Variants in ABHD16A observed in about 807,000 individuals in gnomAD.
The protein encoded by ABHD16A is phosphatidylserine lipase ABHD16A.
ABHD16A carries 47 observed loss-of-function variants against 89.8 expected under a neutral mutation model. That is an observed-to-expected ratio of 0.52 (90% CI 0.41 to 0.67). ABHD16A has a LOEUF of 0.67. ABHD16A is among the 30% of genes least tolerant of loss of function. ABHD16A has a pLI of 0.00. For synonymous variants in ABHD16A, 251 were observed against 280.4 expected (o/e 0.90, Z 1.05); for missense variants, 580 against 734.6 (o/e 0.79, Z 2.43).
intron 1 of ABHD16A, among the ~76,000 whole-genome samples, chr6:31,702,410 A>G (rs1805104028): frequency 6.6e-6 from 1 of 152,190 alleles, no homozygotes; most frequent in Admixed American, 6.5e-5. Context: ...TTTCAAATGG[A>G]TTGCAGGCGC....
Position 31,696,997 on chromosome 6 carries a change from A to C in ABHD16A, c.380T>G (p.Phe127Cys), listed in dbSNP as rs1487840288. 2 of 1,612,976 alleles carry C rather than the reference A, an allele frequency of 1.2e-6. No individual in the cohort carries two copies. Among genetic ancestry groups the C allele is most frequent in the Non-Finnish European group, 1.7e-6 (2 of 1,180,026 alleles). Residue 127 changes from phenylalanine to cysteine, a missense_variant, in exon 5 of 20, where the codon TTC becomes TGC. Around this residue, in one of 2 missense-constraint regions of ABHD16A, gnomAD observed 165 missense variants for 165.8 expected, o/e 1.00. Transcript: ENST00000395952. The stretch of plus-strand genomic sequence containing the variant: ...ATGTGTTGCTTCCAAGATGGTGATG[A>C]ACTGCCGGTACTGGGGGTTGGTCCA... Reference protein sequence around the residue: ...GRWTNPQYRQFITILEATHRN... With the variant: ...GRWTNPQYRQCITILEATHRN...
At chr6:31,695,975 C>A (rs1177359469) in intron 5 of ABHD16A, among the ~76,000 whole-genome samples, 1 of 151,474 alleles carries the variant, frequency 6.6e-6, no homozygotes, top group Non-Finnish European at 1.5e-5. Flanking sequence ...ACCATCCTGG[C>A]TAACATGGTG....
intron 2 of ABHD16A, 85 bp from the exon 3 acceptor site, chr6:31,701,425 A>G: frequency 8.7e-7 from 1 of 1,149,230 alleles, no homozygotes; most frequent in Non-Finnish European, 1.3e-6. Context: ...CACTCTGAGC[A>G]AGATGGACAA....
At chr6:31,702,596 A>G in intron 1 of ABHD16A, 1 of 1,450,910 alleles carries the variant, frequency 6.9e-7, no homozygotes, top group Non-Finnish European at 9.1e-7. Context: ...GGAAGAGAAT[A>G]TTTAGAACAG....
Position 31,687,658 on chromosome 6 carries a change from G to A in ABHD16A, c.1530C>T (p.Asp510=). 6.2e-7 allele frequency: 1 copy of A among 1,612,906 alleles called. No homozygotes were observed. Among genetic ancestry groups the A allele is most frequent in the Non-Finnish European group, 8.5e-7 (1 of 1,179,938 alleles). ...GCTCCTTACCCACGCTCCAGGGGAA[G>A]TCGGGCCCGTGTTCTGCCTGGTAGG... The part of the protein sequence containing the change: ...LRSYQAEHGP[D]FPWSVGEDMS... The change falls in exon 18 of 20, where the codon GAC becomes GAT. Residue 510 remains aspartate, a synonymous_variant. Transcript: ENST00000395952. This position sits in a 1 kb window ranked among gnomAD's most constrained non-coding sequence, Gnocchi z 6.3.
Position 31,687,896 on chromosome 6 carries a change from G to T in ABHD16A, c.1375C>A (p.Pro459Thr). 1.9e-6 allele frequency: 3 copies of T among 1,612,756 alleles called. No homozygotes were observed. The highest frequency in any genetic ancestry group is 2.5e-6 in the Non-Finnish European group (3 of 1,180,010). ...AGACCCTCCTCTGCCATCACCCGGG[G>T]ATACCTACGGAGGAAGTGCCAGGAC... is the stretch of plus-strand genomic sequence containing the variant. ...LLLKLLQHRYPRVMAEEGLRV... is the reference protein window; with the variant it reads ...LLLKLLQHRYTRVMAEEGLRV... Residue 459 changes from proline (P) to threonine (T), a missense_variant, in exon 17 of 20, where the codon CCC becomes ACC. Around this residue, in one of 2 missense-constraint regions of ABHD16A, gnomAD observed 415 missense variants for 568.8 expected, o/e 0.73. Coordinates refer to ENST00000395952, the MANE Select transcript of ABHD16A (RefSeq NM_021160.3). This position sits in a 1 kb window ranked among gnomAD's most constrained non-coding sequence, Gnocchi z 6.3.
In ABHD16A at chr6:31,691,831, C is replaced by T. The variant is rs926374228; in HGVS notation, c.714G>A (p.Leu238=). ...LLQKALMPVL[L]QGQARLVEEC... is the part of the protein sequence containing the mutation. ...CTTCCACCAGTCGGGCCTGGCCCTGCAGCAGCACAGGCATGAGGGCCTTCT... is the reference window on the plus strand; with the variant it reads ...CTTCCACCAGTCGGGCCTGGCCCTGTAGCAGCACAGGCATGAGGGCCTTCT... Residue 238 remains leucine, a synonymous_variant, in exon 8 of 20, where the codon CTG becomes CTA. Transcript: ENST00000395952. 6.2e-7 allele frequency: 1 copy of T among 1,610,844 alleles called. No homozygotes were observed. Among genetic ancestry groups the T allele is most frequent in the Non-Finnish European group, 8.5e-7 (1 of 1,179,238 alleles).
At chr6:31,702,768 T>G (rs754808955) in intron 1 of ABHD16A, 6 of 1,494,116 alleles carry the variant, frequency 4.0e-6, no homozygotes, top group Admixed American at 2.5e-5. Context: ...GGGGGAGGCA[T>G]GAAGAGGCAC....
chr6:31,700,359 C>T (rs1804837292), intron 4 of ABHD16A, among the ~76,000 whole-genome samples: 1 of 151,776 alleles, frequency 6.6e-6, no homozygotes, highest in Admixed American at 6.6e-5. Context: ...TTCCTGACCT[C>T]GTGATCCACT....
At position 31,688,134 on chromosome 6, in the gene ABHD16A, G is replaced by C. The variant is rs747256524; in HGVS notation, c.1308-31C>G. On this transcript the variant is annotated intron_variant, in intron 15 of 19. Coordinates refer to ENST00000395952, the MANE Select transcript of ABHD16A (RefSeq NM_021160.3). The surrounding 1 kb of genome is among the most constrained non-coding windows in gnomAD (Gnocchi z 4.9). ...GGTGAGAAGAATGTACCCTGGAGGG[G>C]CTGGAGGTTAGGAGGAAGGGTCTAG... 6.2e-7 allele frequency: 1 copy of C among 1,607,768 alleles called. No homozygotes were observed. Among genetic ancestry groups the C allele is most frequent in the Non-Finnish European group, 8.5e-7 (1 of 1,175,840 alleles).
At position 31,693,372 on chromosome 6, in the gene ABHD16A, C is replaced by A; in HGVS notation, c.490G>T (p.Glu164Ter). Residue 164 changes from glutamate (E) to a stop codon, truncating the protein, a stop_gained, in exon 6 of 20, where the codon GAA becomes TAA. Transcript: ENST00000395952. LOFTEE classifies it high-confidence loss of function. This position sits in a 1 kb window ranked among gnomAD's most constrained non-coding sequence, Gnocchi z 5.0. ...RSWPVDFHWE[E>*]PSSRKESRGG... Reference sequence around the variant, plus strand: ...CTGGGGCCTCACCGGCTGCTGGGTTCTTCCCAGTGGAAGTCGACTGGCCAG... The same window carrying A: ...CTGGGGCCTCACCGGCTGCTGGGTTATTCCCAGTGGAAGTCGACTGGCCAG... The A allele has an allele frequency of 6.2e-7, 1 of 1,613,076 alleles. No individual in the cohort carries two copies. The highest frequency in any genetic ancestry group is 8.5e-7 in the Non-Finnish European group (1 of 1,180,032).
rs1804114287 is a variant in ABHD16A, at chr6:31,693,546, A to G, written c.430-114T>C. The G allele has an allele frequency of 4.0e-6, 4 of 990,738 alleles. No homozygotes were observed. The highest frequency in any genetic ancestry group is 6.2e-6 in the Non-Finnish European group (4 of 649,968). The allele number at this position is 990,738 out of a possible 1,614,324, so 61.4% of individuals were successfully genotyped here. A position where few individuals can be genotyped will look rare whatever the true frequency, so the allele number is the denominator to read the frequency against. On this transcript the variant is annotated intron_variant, in intron 5 of 19. Coordinates refer to ENST00000395952, the MANE Select transcript of ABHD16A (RefSeq NM_021160.3). The surrounding 1 kb of genome is among the most constrained non-coding windows in gnomAD (Gnocchi z 5.0). ...TCTGATCCCCACACATCATGGGGAA[A>G]CCAAGCGGAGGTCAATACCCTCCCA...
Position 31,687,888 on chromosome 6 carries a change from C to T in ABHD16A, c.1383G>A (p.Val461=), listed in dbSNP as rs1345222969. 1 of 1,612,936 alleles carries T rather than the reference C, an allele frequency of 6.2e-7. No homozygotes were observed. Among genetic ancestry groups the T allele is most frequent in the Admixed American group, 1.7e-5 (1 of 60,028 alleles). ...CCACTCGAAGACCCTCCTCTGCCAT[C>T]ACCCGGGGATACCTACGGAGGAAGT... ...LKLLQHRYPR[V]MAEEGLRVVR... is the part of the protein sequence containing the mutation. The change falls in exon 17 of 20, where the codon GTG becomes GTA. Residue 461 remains valine, a synonymous_variant. Transcript: ENST00000395952. This position sits in a 1 kb window ranked among gnomAD's most constrained non-coding sequence, Gnocchi z 6.3.
intron 4 of ABHD16A, 132 bp downstream of exon 4, chr6:31,700,810 G>T: frequency 1.5e-6 from 1 of 688,220 alleles, no homozygotes. Context: ...TTAAGGAAAA[G>T]ATCATGCCTT....
At chr6:31,689,805 G>A in intron 11 of ABHD16A, 101 bp from the exon 12 acceptor site, 1 of 1,492,490 alleles carries the variant, frequency 6.7e-7, no homozygotes, top group Non-Finnish European at 9.0e-7. Flanking sequence ...ATGACAGGCA[G>A]AGAAGGTGTA....
intron 1 of ABHD16A, 45 bp from the exon 2 acceptor site, chr6:31,702,175 G>A (rs1452926890): frequency 7.5e-6 from 12 of 1,593,706 alleles, no homozygotes; most frequent in East Asian, 2.2e-5. Context: ...CCACTGGCAG[G>A]TCCTTTCCCT....
chr6:31,700,343 C>A (rs1157828964), intron 4 of ABHD16A, among the ~76,000 whole-genome samples: 3 of 151,964 alleles, frequency 2.0e-5, no homozygotes, highest in Non-Finnish European at 1.5e-5. Context: ...TCAGGCTGGT[C>A]TCAAATTCCT....
intron 3 of ABHD16A, 65 bp from the exon 4 acceptor site, chr6:31,701,093 C>A: frequency 7.0e-7 from 1 of 1,435,092 alleles, no homozygotes. Context: ...CTTCCCAGTT[C>A]AGCCCCAACC....
chr6:31,693,159 G>A lies in ABHD16A; in HGVS notation c.504-10C>T, dbSNP rs2151235956. The A allele has an allele frequency of 6.2e-7, 1 of 1,611,514 alleles. No individual in the cohort carries two copies. Among genetic ancestry groups the A allele is most frequent in the Non-Finnish European group, 8.5e-7 (1 of 1,178,768 alleles). On this transcript the variant is annotated splice_polypyrimidine_tract_variant and intron_variant, in intron 6 of 19. Coordinates refer to ENST00000395952, the MANE Select transcript of ABHD16A (RefSeq NM_021160.3). This position sits in a 1 kb window ranked among gnomAD's most constrained non-coding sequence, Gnocchi z 5.0. ...CCCTCGAGACTCCTTCCTGAGGAAG[G>A]GAAAGATGCAGGGAAGGATAGGGTC...
Sources: gnomAD v4.1 joint callset for allele counts (sites outside exome capture counted in the v4.1 genomes callset) on GRCh38, gnomAD v4.1.1 for gene constraint, gnomAD v4.1.1 regional missense constraint, Gnocchi (gnomAD v3.1) non-coding constraint, MANE v1.5 for transcripts, NCBI Gene and HGNC (gene_info 2026-07-23, HGNC 2026-07-21) for gene names.